Variants in PLEKHG3 observed in about 807,000 individuals in gnomAD.
PLEKHG3 encodes pleckstrin homology domain-containing family G member 3.
In PLEKHG3, 62 loss-of-function variants were observed where a neutral mutation model predicts 94.9. That is an observed-to-expected ratio of 0.65 (90% confidence interval 0.53 to 0.81). PLEKHG3 has a LOEUF of 0.81. Among genes scored for constraint, PLEKHG3 ranks in the 30% least tolerant of loss-of-function variants. PLEKHG3 has a pLI of 0.00. For synonymous variants in PLEKHG3, 614 were observed against 654.0 expected (o/e 0.94, Z 0.93); for missense variants, 1,461 against 1,619.3 (o/e 0.90, Z 1.68).
In PLEKHG3 at chr14:64,720,250, C is replaced by G. The variant is rs750298924; in HGVS notation, c.-39-7343C>G. Among the ~76,000 whole-genome samples the G allele has an allele frequency of 6.6e-5, 10 of 152,192 alleles. No individual in the cohort carries two copies. Among genetic ancestry groups the G allele is most frequent in the African/African-American group, 2.4e-4 (10 of 41,442 alleles). On this transcript the variant is annotated intron_variant, in intron 1 of 16. Transcript: ENST00000247226. The surrounding 1 kb of genome is among the most constrained non-coding windows in gnomAD (Gnocchi z 4.1). ...GCTGGTCACCTAGTATGTAGCCCAG[C>G]GGGGCAGCTATGCCGTGCTCTAGCT...
chr14:64,717,143 G>GTGTGTA lies in PLEKHG3; in HGVS notation c.-39-10445_-39-10444insATGTGT, dbSNP rs2081180820. Among the ~76,000 whole-genome samples, 1 of 152,106 alleles carries GTGTGTA rather than the reference G, an allele frequency of 6.6e-6. No homozygotes were observed. The highest frequency in any genetic ancestry group is 2.4e-5 in the African/African-American group (1 of 41,492). ...TGTGTGTGTGTGTGTGTGTGTGTGT[G>GTGTGTA]TGTGTGAGTCCATAAGGTCTGCTTT... On this transcript the variant is annotated intron_variant, in intron 1 of 16. Transcript: ENST00000247226. This position sits in a 1 kb window ranked among gnomAD's most constrained non-coding sequence, Gnocchi z 4.7.
At position 64,722,472 on chromosome 14, in the gene PLEKHG3, G is replaced by A. The variant is rs987806312; in HGVS notation, c.-39-5121G>A. On this transcript the variant is annotated intron_variant, in intron 1 of 16. Coordinates refer to ENST00000247226, the MANE Select transcript of PLEKHG3 (RefSeq NM_001308147.2). The surrounding 1 kb of genome is among the most constrained non-coding windows in gnomAD (Gnocchi z 4.3). ...TGACCAAAGGTGATCCGCCCACCTC[G>A]GCCTCCCAAAGTGCTGGGATTACAG... 2.6e-5 allele frequency among the ~76,000 whole-genome samples: 4 copies of A among 152,112 alleles called. No individual in the cohort carries two copies. The highest frequency in any genetic ancestry group is 2.6e-4 in the Admixed American group (4 of 15,272).
In PLEKHG3 at chr14:64,721,642, C is replaced by T. The variant is rs1234391428; in HGVS notation, c.-39-5951C>T. ...CAGGCAGTCACGTTGCTCACATGCA[C>T]ACAAAGTCACTCCCCGGGGAGCCTT... On this transcript the variant is annotated intron_variant, in intron 1 of 16. Coordinates refer to ENST00000247226, the MANE Select transcript of PLEKHG3 (RefSeq NM_001308147.2). This position sits in a 1 kb window ranked among gnomAD's most constrained non-coding sequence, Gnocchi z 4.3. 6.6e-6 allele frequency among the ~76,000 whole-genome samples: 1 copy of T among 151,964 alleles called. No homozygotes were observed. The highest frequency in any genetic ancestry group is 1.5e-5 in the Non-Finnish European group (1 of 68,034).
Position 64,737,341 on chromosome 14 carries a change from T to G in PLEKHG3, c.1385-15T>G. 6.2e-7 allele frequency: 1 copy of G among 1,602,352 alleles called. No homozygotes were observed. Among genetic ancestry groups the G allele is most frequent in the South Asian group, 1.1e-5 (1 of 88,896 alleles). ...CTCGCCCGTGTGCTGGGGGACCCGG[T>G]GGTGATGTCTGCAGCCCGAGCAGCA... On this transcript the variant is annotated splice_polypyrimidine_tract_variant and intron_variant, in intron 13 of 16. Transcript: ENST00000247226.
chr14:64,731,498 C>T lies in PLEKHG3; in HGVS notation c.987C>T (p.Ile329=). 1 of 1,614,162 alleles carries T rather than the reference C, an allele frequency of 6.2e-7. No individual in the cohort carries two copies. Residue 329 remains isoleucine (I), a synonymous_variant, in exon 8 of 17, where the codon ATC becomes ATT. Transcript: ENST00000247226. This position sits in a 1 kb window ranked among gnomAD's most constrained non-coding sequence, Gnocchi z 6.1. The stretch of plus-strand genomic sequence containing the variant: ...TCCTCTTTGACAAAACACTGCTTAT[C>T]ACCAAGAAGCGGGGCGATCACTTTG... ...TFFLFDKTLL[I]TKKRGDHFVY...
At position 64,711,237 on chromosome 14, in the gene PLEKHG3, C is replaced by G. The variant is rs542491135; in HGVS notation, c.-40+6533C>G. On this transcript the variant is annotated intron_variant, in intron 1 of 16. Transcript: ENST00000247226. ...TACCCCACACTGTTTTGAAACTCTG[C>G]ATGCTCTTGCAAATGCTGCTTTTTG... Among the ~76,000 whole-genome samples the G allele has an allele frequency of 4.6e-5, 7 of 152,238 alleles. No individual in the cohort carries two copies. The South Asian group carries it at 1.5e-3, about 32-fold the overall frequency.
At position 64,742,996 on chromosome 14, in the gene PLEKHG3, G is replaced by C; in HGVS notation, c.2953G>C (p.Val985Leu). 1.2e-6 allele frequency: 2 copies of C among 1,613,298 alleles called. No individual in the cohort carries two copies. Among genetic ancestry groups the C allele is most frequent in the Non-Finnish European group, 1.7e-6 (2 of 1,179,882 alleles). Residue 985 changes from valine to leucine, a missense_variant, in exon 17 of 17, where the codon GTG becomes CTG. By Grantham distance (32) the Val-to-Leu change is conservative. Around this residue, in one of 3 missense-constraint regions of PLEKHG3, gnomAD observed 1,201 missense variants for 1,295.5 expected, o/e 0.93. Coordinates refer to ENST00000247226, the MANE Select transcript of PLEKHG3 (RefSeq NM_001308147.2). ...PLGGKGKRKP[V>L]LSLFDYEQLM... ...TCTCCTCATAGGTAAGAGGAAGCCGGTGCTGTCTCTATTTGACTATGAGCA... is the reference window on the plus strand; with the variant it reads ...TCTCCTCATAGGTAAGAGGAAGCCGCTGCTGTCTCTATTTGACTATGAGCA...
intron 14 of PLEKHG3, among the ~76,000 whole-genome samples, chr14:64,737,710 G>C (rs1042426828): frequency 6.6e-6 from 1 of 152,184 alleles, no homozygotes. Context: ...TCCACCATGA[G>C]AATGCCCACC....
chr14:64,736,927 C>G, intron 13 of PLEKHG3, 36 bp downstream of exon 13: 1 of 1,562,932 alleles, frequency 6.4e-7, no homozygotes. Flanking sequence ...TCCCAGTGAG[C>G]GGGGGAGGAG....
Position 64,730,162 on chromosome 14 carries a change from T to G in PLEKHG3, c.450-81T>G. 1 of 763,420 alleles carries G rather than the reference T, an allele frequency of 1.3e-6. No homozygotes were observed. The highest frequency in any genetic ancestry group is 2.2e-6 in the Non-Finnish European group (1 of 446,936). 47.3% of individuals were successfully genotyped at this position (763,420 alleles called of 1,614,324 possible). A position where few individuals can be genotyped will look rare whatever the true frequency, so the allele number is the denominator to read the frequency against. On this transcript the variant is annotated intron_variant, in intron 3 of 16. Coordinates refer to ENST00000247226, the MANE Select transcript of PLEKHG3 (RefSeq NM_001308147.2). This position sits in a 1 kb window ranked among gnomAD's most constrained non-coding sequence, Gnocchi z 5.4. ...CAATAGGGCTGGCTGTCAGTCAGGGTTTGGGAGGTTGGGGAGGGGGCAGTG... is the reference window on the plus strand; with the variant it reads ...CAATAGGGCTGGCTGTCAGTCAGGGGTTGGGAGGTTGGGGAGGGGGCAGTG...
In PLEKHG3 at chr14:64,728,102, C is replaced by T. The variant is rs1051769655; in HGVS notation, c.351+120C>T. Reference sequence around the variant, plus strand: ...TTGGAGAACTGGGGTCTCCCACCCTCGCTGACTGCACTGTGAAAGCTGTTG... The same window carrying T: ...TTGGAGAACTGGGGTCTCCCACCCTTGCTGACTGCACTGTGAAAGCTGTTG... On this transcript the variant is annotated intron_variant, in intron 2 of 16. Transcript: ENST00000247226. This position sits in a 1 kb window ranked among gnomAD's most constrained non-coding sequence, Gnocchi z 5.9. The T allele has an allele frequency of 1.8e-5, 12 of 654,096 alleles. No individual in the cohort carries two copies. Among genetic ancestry groups the T allele is most frequent in the East Asian group, 8.4e-5 (3 of 35,670 alleles). The allele number at this position is 654,096 out of a possible 1,614,324, so 40.5% of individuals were successfully genotyped here. A position where few individuals can be genotyped will look rare whatever the true frequency, so the allele number is the denominator to read the frequency against.
At chr14:64,706,484 T>C (rs1447236783) in intron 1 of PLEKHG3, among the ~76,000 whole-genome samples, 1 of 152,236 alleles carries the variant, frequency 6.6e-6, no homozygotes, top group Non-Finnish European at 1.5e-5. Flanking sequence ...ATAGGAGCTG[T>C]GGTGAGGATC....
chr14:64,731,596 T>G lies in PLEKHG3; in HGVS notation c.1032+53T>G. On this transcript the variant is annotated intron_variant, in intron 8 of 16. Coordinates refer to ENST00000247226, the MANE Select transcript of PLEKHG3 (RefSeq NM_001308147.2). This position sits in a 1 kb window ranked among gnomAD's most constrained non-coding sequence, Gnocchi z 6.1. The stretch of plus-strand genomic sequence containing the variant: ...GCCATCTTCTCTCCTTCCCAAAGGA[T>G]CTGGGCTCCCCTTCTTGTCTGCTTC... 2.5e-6 allele frequency: 4 copies of G among 1,578,200 alleles called. No homozygotes were observed. The highest frequency in any genetic ancestry group is 3.5e-6 in the Non-Finnish European group (4 of 1,147,876).
Position 64,744,771 on chromosome 14 carries a change from A to ATTTTTTTTTTTTTTTTTTTTTTTTTTT in PLEKHG3, c.*1088_*1089insTTTTTTTTTTTTTTTTTTTTTTTTTTT, listed in dbSNP as rs397954215. The ATTTTTTTTTTTTTTTTTTTTTTTTTTT allele has an allele frequency of 7.4e-5, 9 of 122,024 alleles. No homozygotes were observed. Among genetic ancestry groups the ATTTTTTTTTTTTTTTTTTTTTTTTTTT allele is most frequent in the African/African-American group, 3.1e-4 (9 of 29,504 alleles). The allele number at this position is 122,024 out of a possible 1,614,324, so 7.6% of individuals were successfully genotyped here. A position where few individuals can be genotyped will look rare whatever the true frequency, so the allele number is the denominator to read the frequency against. On this transcript the variant is annotated 3_prime_UTR_variant, in exon 17 of 17. Coordinates refer to ENST00000247226, the MANE Select transcript of PLEKHG3 (RefSeq NM_001308147.2). ...CCAGGAAACATCCTAGAAGACAAGG[A>ATTTTTTTTTTTTTTTTTTTTTTTTTTT]TTTTTTTTTTTTTTTTTTTTGAGAC... is the stretch of plus-strand genomic sequence containing the variant.
chr14:64,715,536 G>A lies in PLEKHG3; in HGVS notation c.-40+10832G>A, dbSNP rs988854672. Among the ~76,000 whole-genome samples, 4 of 152,130 alleles carry A rather than the reference G, an allele frequency of 2.6e-5. No homozygotes were observed. Among genetic ancestry groups the A allele is most frequent in the Non-Finnish European group, 4.4e-5 (3 of 68,016 alleles). ...TTTCCTGACCTGTAAAATAGGGATG[G>A]CCACCTGCCTTTCCTCTCTGCCCCC... On this transcript the variant is annotated intron_variant, in intron 1 of 16. Coordinates refer to ENST00000247226, the MANE Select transcript of PLEKHG3 (RefSeq NM_001308147.2). This position sits in a 1 kb window ranked among gnomAD's most constrained non-coding sequence, Gnocchi z 4.4.
chr14:64,731,575 T>C lies in PLEKHG3; in HGVS notation c.1032+32T>C. 1.2e-6 allele frequency: 2 copies of C among 1,603,272 alleles called. No homozygotes were observed. Among genetic ancestry groups the C allele is most frequent in the African/African-American group, 2.7e-5 (2 of 74,732 alleles). On this transcript the variant is annotated intron_variant, in intron 8 of 16. Transcript: ENST00000247226. The surrounding 1 kb of genome is among the most constrained non-coding windows in gnomAD (Gnocchi z 6.1). ...AGGCCCTGCCCCATCTCCTCTGCCATCTTCTCTCCTTCCCAAAGGATCTGG... is the reference window on the plus strand; with the variant it reads ...AGGCCCTGCCCCATCTCCTCTGCCACCTTCTCTCCTTCCCAAAGGATCTGG...
rs1373791418 is a variant in PLEKHG3, at chr14:64,720,361, C to A, written c.-39-7232C>A. ...CGCTTCTTGGTTGATCGGAAACTTG[C>A]TGGCAGTGACTAATGTGGAGACTCA... On this transcript the variant is annotated intron_variant, in intron 1 of 16. Transcript: ENST00000247226. This position sits in a 1 kb window ranked among gnomAD's most constrained non-coding sequence, Gnocchi z 4.1. Among the ~76,000 whole-genome samples the A allele has an allele frequency of 6.6e-6, 1 of 152,210 alleles. No homozygotes were observed.
Position 64,732,363 on chromosome 14 carries a change from C to T in PLEKHG3, c.1213-64C>T. 1 of 1,472,524 alleles carries T rather than the reference C, an allele frequency of 6.8e-7. No homozygotes were observed. Among genetic ancestry groups the T allele is most frequent in the African/African-American group, 1.4e-5 (1 of 72,276 alleles). 91.2% of individuals were successfully genotyped at this position (1,472,524 alleles called of 1,614,324 possible). On this transcript the variant is annotated intron_variant, in intron 10 of 16. Coordinates refer to ENST00000247226, the MANE Select transcript of PLEKHG3 (RefSeq NM_001308147.2). The surrounding 1 kb of genome is among the most constrained non-coding windows in gnomAD (Gnocchi z 4.9). ...GTGTCCTCGTACAGCAACAGTGGGT[C>T]CTATGGGCAGGGAAGGCCGGCACAT...
rs1161222716 is a variant in PLEKHG3 at position 64,742,280 on chromosome 14, C to T, written c.2763C>T (p.Arg921=). ...TAATGGACAGCCACGTGAGCGAGCG[C>T]GTCAAGAACAAGGTCTACCAGCTGG... ...SHVMDSHVSE[R]VKNKVYQLAR... is the part of the protein sequence containing the mutation. Residue 921 remains arginine, a synonymous_variant, in exon 16 of 17, where the codon CGC becomes CGT. Coordinates refer to ENST00000247226, the MANE Select transcript of PLEKHG3 (RefSeq NM_001308147.2). 14 of 1,612,794 alleles carry T rather than the reference C, an allele frequency of 8.7e-6. No individual in the cohort carries two copies. The highest frequency in any genetic ancestry group is 3.3e-5 in the Admixed American group (2 of 60,006).
Sources: gnomAD v4.1 joint callset for allele counts (sites outside exome capture counted in the v4.1 genomes callset) on GRCh38, gnomAD v4.1.1 for gene constraint, gnomAD v4.1.1 regional missense constraint, Gnocchi (gnomAD v3.1) non-coding constraint, MANE v1.5 for transcripts, NCBI Gene and HGNC (gene_info 2026-07-23, HGNC 2026-07-21) for gene names.